MYBPC1: variants seen among roughly 807,000 people sequenced by gnomAD.
MYBPC1 encodes myosin-binding protein C, slow-type.
Under a neutral mutation model 147.1 loss-of-function variants are expected in MYBPC1, and 52 were observed. The observed-to-expected ratio is 0.35, with a 90% CI of 0.28 to 0.45. The LOEUF (loss-of-function observed/expected upper bound fraction) is 0.45, where lower values mean the gene tolerates loss of function less well. MYBPC1 is among the 20% of genes least tolerant of loss of function. The pLI is 1.00. For missense variants in MYBPC1, 1,228 were observed against 1,440.3 expected (o/e 0.85, Z 2.39); for synonymous variants, 477 against 475.9 (o/e 1.00, Z -0.03).
At chr12:101,599,093 G>C (rs960121851) in intron 1 of MYBPC1, among the ~76,000 whole-genome samples, 1 of 152,144 alleles carries the variant, frequency 6.6e-6, no homozygotes, top group Non-Finnish European at 1.5e-5. Context: ...CTCATGTTCC[G>C]TGTAAGATCT....
At chr12:101,663,704 T>C in intron 22 of MYBPC1, 144 bp downstream of exon 22, 2 of 981,622 alleles carry the variant, frequency 2.0e-6, no homozygotes, top group Non-Finnish European at 3.1e-6. Flanking sequence ...CTGAGATGTA[T>C]ATAAACTAAG....
intron 20 of MYBPC1, 70 bp downstream of exon 20, chr12:101,661,332 A>T (rs1896518108): frequency 1.0e-6 from 1 of 976,900 alleles, no homozygotes; most frequent in Admixed American, 1.9e-5. Flanking sequence ...CTTAGTACAG[A>T]GCACATTTTA....
At chr12:101,666,835 T>C in intron 22 of MYBPC1, 1 of 1,577,604 alleles carries the variant, frequency 6.3e-7, no homozygotes, top group Non-Finnish European at 8.7e-7. Flanking sequence ...TTTCTTACTA[T>C]ATTATAATGT....
chr12:101,691,131 G>A, the MYBPC1 span, among the ~76,000 whole-genome samples: 1 of 152,156 alleles, frequency 6.6e-6, no homozygotes. Flanking sequence ...GAGTGCAGTG[G>A]CATGATCTGG....
the MYBPC1 span, among the ~76,000 whole-genome samples, chr12:101,691,272 G>A: frequency 8.6e-5 from 13 of 152,024 alleles, no homozygotes; most frequent in Non-Finnish European, 1.2e-4. Flanking sequence ...GGGCTTCACC[G>A]TTTTGGCCAG....
At chr12:101,615,459 G>A (rs1183822058) in intron 2 of MYBPC1, among the ~76,000 whole-genome samples, 16 of 152,094 alleles carry the variant, frequency 1.1e-4, no homozygotes, top group Non-Finnish European at 1.9e-4. Flanking sequence ...CCTTCAGAGG[G>A]ATTCAGACAT....
chr12:101,643,229 T>A (rs939257966), intron 11 of MYBPC1, among the ~76,000 whole-genome samples: 3 of 152,192 alleles, frequency 2.0e-5, no homozygotes, highest in African/African-American at 7.2e-5. Flanking sequence ...CAATAGAATT[T>A]AAAGATTTTT....
intron 30 of MYBPC1, among the ~76,000 whole-genome samples, chr12:101,683,732 G>T (rs922789416): frequency 3.3e-5 from 5 of 152,100 alleles, no homozygotes; most frequent in African/African-American, 1.2e-4. Flanking sequence ...GTAGATCTAT[G>T]CCTGAGTTTA....
Position 101,651,237 on chromosome 12 carries a change from C to T in MYBPC1, c.1370C>T (p.Pro457Leu). The T allele has an allele frequency of 6.2e-7, 1 of 1,614,050 alleles. No individual in the cohort carries two copies. Among genetic ancestry groups the T allele is most frequent in the Non-Finnish European group, 8.5e-7 (1 of 1,179,956 alleles). Residue 457 changes from proline (P) to leucine (L), a missense_variant, in exon 16 of 32, where the codon CCT (proline) becomes CTT (leucine). Coordinates refer to ENST00000361466, the MANE Select transcript of MYBPC1 (RefSeq NM_002465.4). ...TGGTCTATCATTTCTACAGTGAAACCTCTGAAGATTTTGACACCTCTGACT... is the reference window on the plus strand; with the variant it reads ...TGGTCTATCATTTCTACAGTGAAACTTCTGAAGATTTTGACACCTCTGACT... ...SSAKLSVDLK[P>L]LKILTPLTDQ...
chr12:101,598,072 T>A (rs564819110), intron 1 of MYBPC1, among the ~76,000 whole-genome samples: 1 of 147,132 alleles, frequency 6.8e-6, no homozygotes, highest in Non-Finnish European at 1.5e-5. Context: ...CAGGCTGGAG[T>A]GCAGTGCCAC....
chr12:101,598,689 T>C (rs1471765149), intron 1 of MYBPC1, among the ~76,000 whole-genome samples: 2 of 152,152 alleles, frequency 1.3e-5, no homozygotes, highest in Non-Finnish European at 1.5e-5. Flanking sequence ...TCCTCCCACC[T>C]CAGCCTCCCC....
intron 1 of MYBPC1, among the ~76,000 whole-genome samples, chr12:101,602,107 A>T (rs551186646): frequency 6.6e-6 from 1 of 152,220 alleles, no homozygotes; most frequent in Non-Finnish European, 1.5e-5. Flanking sequence ...AATTACTTAC[A>T]CTTTGTATGC....
intron 19 of MYBPC1, chr12:101,660,203 A>G (rs1896281983): frequency 2.9e-6 from 1 of 339,054 alleles, no homozygotes; most frequent in South Asian, 2.5e-5. Context: ...GCAGATTACT[A>G]CTGTTCCAAG....
intron 19 of MYBPC1, 59 bp from the exon 20 acceptor site, chr12:101,661,099 C>CTCTTTT: frequency 9.1e-7 from 1 of 1,103,842 alleles, no homozygotes; most frequent in South Asian, 1.3e-5. Flanking sequence ...TTCCTATTAA[C>CTCTTTT]TTTTTTTTTC....
chr12:101,634,196 G>C (rs556202045), intron 8 of MYBPC1, among the ~76,000 whole-genome samples: 1 of 152,028 alleles, frequency 6.6e-6, no homozygotes, highest in Non-Finnish European at 1.5e-5. Context: ...CACCGCGCCC[G>C]GCCCCTGGAG....
rs1204163273 is a variant in MYBPC1 at position 101,642,572 on chromosome 12, G to C, written c.819G>C (p.Glu273Asp). The C allele has an allele frequency of 1.2e-6, 2 of 1,611,554 alleles. No individual in the cohort carries two copies. The highest frequency in any genetic ancestry group is 1.7e-6 in the Non-Finnish European group (2 of 1,178,996). ...LKRLKRMRRE[E>D]KKSAAFAKIL... is the part of the protein sequence containing the mutation. ...GACTCAAGCGCATGCGCAGAGAGGA[G>C]AAGAAGAGCGCAGGTGAGCGCTCCC... Residue 273 changes from glutamate (E) to aspartate (D), a missense_variant, in exon 11 of 32, where the codon GAG (glutamate) becomes GAC (aspartate). By Grantham distance (45) the Glu-to-Asp change is conservative (BLOSUM62 2). Coordinates refer to ENST00000361466, the MANE Select transcript of MYBPC1 (RefSeq NM_002465.4).
In MYBPC1 at chr12:101,648,055, T is replaced by C. The variant is rs1893598506; in HGVS notation, c.1101T>C (p.Ile367=). 1.2e-6 allele frequency: 2 copies of C among 1,610,872 alleles called. No individual in the cohort carries two copies. Among genetic ancestry groups the C allele is most frequent in the African/African-American group, 1.3e-5 (1 of 74,844 alleles). ...STELFVREPP[I]MVTKQLEDTT... is the part of the protein sequence containing the mutation. Reference sequence around the variant, plus strand: ...CTTTTTGTATACTAGAGCCTCCAATTATGGTGACCAAACAGCTGGAAGATA... The same window carrying C: ...CTTTTTGTATACTAGAGCCTCCAATCATGGTGACCAAACAGCTGGAAGATA... The change falls in exon 14 of 32, where the codon ATT becomes ATC. Residue 367 remains isoleucine, a synonymous_variant. Coordinates refer to ENST00000361466, the MANE Select transcript of MYBPC1 (RefSeq NM_002465.4).
chr12:101,661,483 T>C (rs1896539442), intron 20 of MYBPC1, among the ~76,000 whole-genome samples: 1 of 152,218 alleles, frequency 6.6e-6, no homozygotes, highest in Non-Finnish European at 1.5e-5. Flanking sequence ...TCTTTTTTTG[T>C]TTGACATTTA....
intron 5 of MYBPC1, chr12:101,629,126 A>G (rs1211342053): frequency 5.2e-6 from 2 of 387,630 alleles, no homozygotes; most frequent in Non-Finnish European, 9.8e-6. Context: ...GTTAGGGGAC[A>G]GGCAAGATGG....
Sources: gnomAD v4.1 joint callset for allele counts (sites outside exome capture counted in the v4.1 genomes callset) on GRCh38, gnomAD v4.1.1 for gene constraint, MANE v1.5 for transcripts, NCBI Gene and HGNC (gene_info 2026-07-23, HGNC 2026-07-21) for gene names.